The following NRXN1 variants were observed in gnomAD, a reference collection of about 807,000 sequenced individuals.
The protein encoded by NRXN1 is neurexin 1.
In NRXN1, 39 loss-of-function variants were observed where a neutral mutation model predicts 150.9. That is an observed-to-expected ratio of 0.26 (90% CI 0.20 to 0.34). The LOEUF (loss-of-function observed/expected upper bound fraction) is 0.34. Among genes scored for constraint, NRXN1 ranks in the 10% least tolerant of loss-of-function variants. NRXN1 has a pLI of 1.00. For synonymous variants in NRXN1, 924 were observed against 757.0 expected (o/e 1.22, Z -3.62); for missense variants, 1,815 against 1,949.9 (o/e 0.93, Z 1.30).
intron 8 of NRXN1, among the ~76,000 whole-genome samples, chr2:50,586,818 TTAA>T (rs1421906307): frequency 2.0e-5 from 3 of 152,206 alleles, no homozygotes; most frequent in Admixed American, 1.3e-4. Flanking sequence ...ATAAATGTAG[TTAA>T]TAATGTATTC....
intron 8 of NRXN1, among the ~76,000 whole-genome samples, chr2:50,560,347 G>T (rs1309333597): frequency 6.6e-6 from 1 of 152,210 alleles, no homozygotes; most frequent in African/African-American, 2.4e-5. Flanking sequence ...CAACTGTGGA[G>T]TGGCTGCGGG....
At chr2:50,926,097 GA>G in intron 2 of NRXN1, 142 bp from the exon 3 acceptor site, 2 of 702,590 alleles carry the variant, frequency 2.8e-6, no homozygotes, top group South Asian at 1.6e-5. Context: ...ATTCAAGGGG[GA>G]AAACAAAATC....
At chr2:50,785,980 C>A (rs1027562268) in intron 5 of NRXN1, among the ~76,000 whole-genome samples, 1 of 151,952 alleles carries the variant, frequency 6.6e-6, no homozygotes, top group African/African-American at 2.4e-5. Flanking sequence ...CACGCCCCCA[C>A]CCTCCTCTGG....
intron 5 of NRXN1, among the ~76,000 whole-genome samples, chr2:50,734,443 C>G (rs1698471790): frequency 1.3e-5 from 2 of 152,046 alleles, no homozygotes; most frequent in Admixed American, 1.3e-4. Context: ...ACTTTAATAG[C>G]CCTCAGTGTT....
chr2:50,167,676 A>C (rs147089164), intron 18 of NRXN1, among the ~76,000 whole-genome samples: 235 of 152,304 alleles, frequency 1.5e-3, no homozygotes, highest in African/African-American at 5.4e-3. Flanking sequence ...AGTATTTCCA[A>C]AATAATTGTT....
intron 5 of NRXN1, among the ~76,000 whole-genome samples, chr2:50,761,119 T>G (rs532942571): frequency 6.6e-6 from 1 of 152,098 alleles, no homozygotes; most frequent in East Asian, 1.9e-4. Flanking sequence ...CCCAACAAGG[T>G]TGAGTAGGCT....
chr2:50,881,175 TA>T (rs1199020612), intron 5 of NRXN1, among the ~76,000 whole-genome samples: 1 of 151,980 alleles, frequency 6.6e-6, no homozygotes, highest in Non-Finnish European at 1.5e-5. Context: ...CCTCTCTGCT[TA>T]AAAGCATAAT....
At chr2:50,959,072 T>G (rs1692730514) in intron 2 of NRXN1, among the ~76,000 whole-genome samples, 1 of 152,130 alleles carries the variant, frequency 6.6e-6, no homozygotes, top group East Asian at 1.9e-4. Context: ...CTAACTTTGA[T>G]GTCAGTATAA....
At chr2:50,477,638 T>C (rs969132058) in intron 15 of NRXN1, among the ~76,000 whole-genome samples, 2 of 152,234 alleles carry the variant, frequency 1.3e-5, no homozygotes, top group African/African-American at 2.4e-5. Flanking sequence ...TCACATGTAC[T>C]TTTTTGAACC....
At chr2:50,612,535 G>A (rs979835787) in intron 8 of NRXN1, among the ~76,000 whole-genome samples, 1 of 152,174 alleles carries the variant, frequency 6.6e-6, no homozygotes, top group African/African-American at 2.4e-5. Flanking sequence ...CTCACTGGAT[G>A]TTGTTGAAAT....
intron 9 of NRXN1, among the ~76,000 whole-genome samples, chr2:50,551,074 A>AGAAGAAGAAGAAGAGGAGGAG (rs1553775804): frequency 1.8e-5 from 2 of 110,784 alleles, no homozygotes; most frequent in African/African-American, 7.1e-5. Context: ...AAGAAGAAGA[A>AGAAGAAGAAGAAGAGGAGGAG]GAGGAGGAGG....
At chr2:50,216,699 A>G (rs1353863399) in intron 18 of NRXN1, among the ~76,000 whole-genome samples, 4 of 152,030 alleles carry the variant, frequency 2.6e-5, no homozygotes, top group Non-Finnish European at 5.9e-5. Flanking sequence ...TAGGGAACAA[A>G]ATGACTACAC....
intron 18 of NRXN1, among the ~76,000 whole-genome samples, chr2:50,144,708 A>G (rs868434570): frequency 9.9e-5 from 15 of 151,838 alleles, no homozygotes; most frequent in African/African-American, 3.1e-4. Context: ...CAGGGCTGTA[A>G]GAAAGAAAAT....
intron 21 of NRXN1, among the ~76,000 whole-genome samples, chr2:49,991,454 AT>A (rs1183870526): frequency 6.6e-6 from 1 of 152,168 alleles, no homozygotes; most frequent in Non-Finnish European, 1.5e-5. Flanking sequence ...AATATTCAAA[AT>A]AAAAAAAACA....
intron 5 of NRXN1, among the ~76,000 whole-genome samples, chr2:50,751,400 A>C (rs1227520549): frequency 1.3e-5 from 2 of 152,008 alleles, no homozygotes; most frequent in Non-Finnish European, 2.9e-5. Flanking sequence ...ATTCTCCCAG[A>C]TCAGGACCTA....
intron 5 of NRXN1, among the ~76,000 whole-genome samples, chr2:50,899,164 C>T (rs1214902520): frequency 6.6e-6 from 1 of 152,030 alleles, no homozygotes; most frequent in Non-Finnish European, 1.5e-5. Flanking sequence ...ACTTTTAATC[C>T]TGATTTTCAC....
At chr2:50,967,955 A>C (rs1288882777) in intron 2 of NRXN1, among the ~76,000 whole-genome samples, 1 of 152,042 alleles carries the variant, frequency 6.6e-6, no homozygotes, top group Non-Finnish European at 1.5e-5. Flanking sequence ...TAATGATTAC[A>C]CTTCTCAATA....
At chr2:50,755,321 T>A (rs1701042928) in intron 5 of NRXN1, among the ~76,000 whole-genome samples, 1 of 151,830 alleles carries the variant, frequency 6.6e-6, no homozygotes, top group South Asian at 2.1e-4. Context: ...TAAAATGGAA[T>A]GAAAACAGCC....
chr2:50,084,525 C>T (rs1698506273), intron 19 of NRXN1, among the ~76,000 whole-genome samples: 2 of 152,210 alleles, frequency 1.3e-5, no homozygotes, highest in African/African-American at 4.8e-5. Context: ...CAAGCCCACG[C>T]TCACCAGGAA....
Sources: gnomAD v4.1 joint callset for allele counts (sites outside exome capture counted in the v4.1 genomes callset) on GRCh38, gnomAD v4.1.1 for gene constraint, MANE v1.5 for transcripts, NCBI Gene and HGNC (gene_info 2026-07-23, HGNC 2026-07-21) for gene names.